YWHAQ: variants seen among roughly 807,000 people sequenced by gnomAD.
The protein encoded by YWHAQ is 14-3-3 protein theta.
In YWHAQ, 6 loss-of-function variants were observed where a neutral mutation model predicts 28.3. The ratio of observed to expected loss-of-function variants is 0.21; its 90% CI spans 0.12 to 0.42. YWHAQ has a LOEUF of 0.42. YWHAQ is among the 10% of genes least tolerant of loss of function. YWHAQ has a pLI of 1.00. For synonymous variants in YWHAQ, 143 were observed against 119.1 expected (o/e 1.20, Z -1.31); for missense variants, 201 against 305.6 (o/e 0.66, Z 2.55).
intron 2 of YWHAQ, among the ~76,000 whole-genome samples, chr2:9,605,140 C>CTCT (rs1553373644): frequency 1.4e-3 from 196 of 138,426 alleles, no homozygotes; most frequent in African/African-American, 4.5e-3. Flanking sequence ...TCTGTTCTCT[C>CTCT]TTTTTTTTTT....
At chr2:9,627,732 A>G (rs990204341) in intron 2 of YWHAQ, among the ~76,000 whole-genome samples, 10 of 152,036 alleles carry the variant, frequency 6.6e-5, no homozygotes, top group African/African-American at 2.4e-4. Context: ...CCTTACTCCA[A>G]TCTTCTATAA....
chr2:9,619,866 T>C (rs1010851425), intron 2 of YWHAQ, among the ~76,000 whole-genome samples: 2 of 152,204 alleles, frequency 1.3e-5, no homozygotes, highest in Non-Finnish European at 2.9e-5. Flanking sequence ...AGTATAAATA[T>C]GTTTAACTGC....
intron 5 of YWHAQ, among the ~76,000 whole-genome samples, chr2:9,586,884 CCTTT>C (rs1234960252): frequency 1.3e-5 from 2 of 152,092 alleles, no homozygotes; most frequent in African/African-American, 4.8e-5. Context: ...TTGATTACTT[CCTTT>C]ATCAATTGCC....
chr2:9,629,228 CAT>C (rs940558566), intron 2 of YWHAQ, among the ~76,000 whole-genome samples: 14 of 152,110 alleles, frequency 9.2e-5, no homozygotes, highest in Admixed American at 6.6e-5. Flanking sequence ...AAAGGCAAAC[CAT>C]ATGAGATTAT....
At position 9,626,292 on chromosome 2, in the gene YWHAQ, A is replaced by G. The variant is rs535566816; in HGVS notation, c.294+3867T>C. On this transcript the variant is annotated intron_variant, in intron 2 of 5. Coordinates refer to ENST00000238081, the MANE Select transcript of YWHAQ (RefSeq NM_006826.4). ...ACTGCCTGGTTCTTATTCCAAGGTC[A>G]CTGACTTTGTAAATGACAGATTTTG... is the stretch of plus-strand genomic sequence containing the variant. Among the ~76,000 whole-genome samples, 7 of 152,346 alleles carry G rather than the reference A, an allele frequency of 4.6e-5. No homozygotes were observed. The South Asian group carries it at 1.4e-3, about 32-fold the overall frequency.
chr2:9,592,598 A>C (rs1666480069), intron 2 of YWHAQ, among the ~76,000 whole-genome samples: 1 of 151,976 alleles, frequency 6.6e-6, no homozygotes. Context: ...GATGGTGGGC[A>C]CCTGTAATCC....
intron 2 of YWHAQ, among the ~76,000 whole-genome samples, chr2:9,625,141 A>G (rs1185049033): frequency 6.6e-6 from 1 of 151,644 alleles, no homozygotes; most frequent in African/African-American, 2.4e-5. Context: ...GCATGCCTGT[A>G]ATCCCAGCTA....
intron 2 of YWHAQ, among the ~76,000 whole-genome samples, chr2:9,621,704 A>G (rs1270286637): frequency 6.6e-6 from 1 of 152,162 alleles, no homozygotes; most frequent in Non-Finnish European, 1.5e-5. Context: ...TAAAGAATAC[A>G]ATTATCCATT....
intron 2 of YWHAQ, among the ~76,000 whole-genome samples, chr2:9,607,160 C>A (rs1474726596): frequency 6.6e-6 from 1 of 151,472 alleles, no homozygotes; most frequent in Non-Finnish European, 1.5e-5. Context: ...GGATTACAGG[C>A]GTGAGCCACA....
intron 2 of YWHAQ, among the ~76,000 whole-genome samples, chr2:9,597,647 A>AAAAAAAAGAAAAAG (rs1666600231): frequency 1.3e-5 from 2 of 151,314 alleles, no homozygotes; most frequent in East Asian, 3.9e-4. Flanking sequence ...AAAAAAAAAA[A>AAAAAAAAGAAAAAG]AAAAAAGAAA....
chr2:9,606,892 T>G (rs1267334133), intron 2 of YWHAQ, among the ~76,000 whole-genome samples: 2 of 151,524 alleles, frequency 1.3e-5, no homozygotes, highest in Non-Finnish European at 2.9e-5. Context: ...ATTTTTCTTT[T>G]TTTTTTTTTT....
chr2:9,596,168 AAT>A (rs1165128384), intron 2 of YWHAQ, among the ~76,000 whole-genome samples: 4 of 152,168 alleles, frequency 2.6e-5, no homozygotes, highest in African/African-American at 9.7e-5. Flanking sequence ...ACTGTTGAGA[AAT>A]AATATTAATG....
At chr2:9,604,209 AAG>A (rs1666772615) in intron 2 of YWHAQ, among the ~76,000 whole-genome samples, 3 of 152,156 alleles carry the variant, frequency 2.0e-5, no homozygotes, top group Non-Finnish European at 4.4e-5. Context: ...ATGGAGTTAG[AAG>A]AATTTTTCTT....
At chr2:9,602,043 C>T (rs190868772) in intron 2 of YWHAQ, among the ~76,000 whole-genome samples, 17 of 152,146 alleles carry the variant, frequency 1.1e-4, no homozygotes, top group African/African-American at 4.1e-4. Flanking sequence ...TCAGTAATGC[C>T]AAAAAATAAA....
In YWHAQ at chr2:9,630,096, C is replaced by T. The variant is rs575123175; in HGVS notation, c.294+63G>A. On this transcript the variant is annotated intron_variant, in intron 2 of 5. Transcript: ENST00000238081. The surrounding 1 kb of genome is among the most constrained non-coding windows in gnomAD (Gnocchi z 5.6). ...CGGCTCACGTTTGTTTCCGTGCCCG[C>T]GAAACTCTCAATGAAAAGCATCTCA... 1.7e-4 allele frequency: 257 copies of T among 1,556,540 alleles called. No homozygotes were observed. The highest frequency in any genetic ancestry group is 2.1e-4 in the Non-Finnish European group (239 of 1,147,936).
rs377495113 is a variant in YWHAQ at position 9,593,923 on chromosome 2, T to TATACACAC, written c.295-2409_295-2408insGTGTGTAT. Among the ~76,000 whole-genome samples the TATACACAC allele has an allele frequency of 5.6e-3, 763 of 135,130 alleles. 11 individuals carry two copies. The highest frequency in any genetic ancestry group is 0.021 in the African/African-American group (708 of 34,366). The allele number at this position is 135,130 out of a possible 152,430, so 88.7% of individuals were successfully genotyped here. A position where few individuals can be genotyped will look rare whatever the true frequency, so the allele number is the denominator to read the frequency against. On this transcript the variant is annotated intron_variant, in intron 2 of 5. Coordinates refer to ENST00000238081, the MANE Select transcript of YWHAQ (RefSeq NM_006826.4). ...TAAAAAAAATATATATATATATATA[T>TATACACAC]ACACACACACACACACACACTTTTT...
At chr2:9,599,184 G>A (rs1666638044) in intron 2 of YWHAQ, among the ~76,000 whole-genome samples, 1 of 152,218 alleles carries the variant, frequency 6.6e-6, no homozygotes, top group Non-Finnish European at 1.5e-5. Flanking sequence ...AGTGAAGGCT[G>A]AGAGAAGTAA....
Position 9,630,465 on chromosome 2 carries a change from G to T in YWHAQ, c.-13C>A. On this transcript the variant is annotated 5_prime_UTR_variant, in exon 2 of 6. Coordinates refer to ENST00000238081, the MANE Select transcript of YWHAQ (RefSeq NM_006826.4). The surrounding 1 kb of genome is among the most constrained non-coding windows in gnomAD (Gnocchi z 5.6). ...CAGTCTTCTCCATGGCGGGCGCGGGGCCGGGGCCGGGGCGGAGGGCGAGGA... is the reference window on the plus strand; with the variant it reads ...CAGTCTTCTCCATGGCGGGCGCGGGTCCGGGGCCGGGGCGGAGGGCGAGGA... 6.3e-7 allele frequency: 1 copy of T among 1,575,858 alleles called. No individual in the cohort carries two copies. The highest frequency in any genetic ancestry group is 8.6e-7 in the Non-Finnish European group (1 of 1,163,368).
At chr2:9,586,096 T>C (rs1666338924) in intron 5 of YWHAQ, among the ~76,000 whole-genome samples, 1 of 152,154 alleles carries the variant, frequency 6.6e-6, no homozygotes, top group Non-Finnish European at 1.5e-5. Flanking sequence ...TGGTTAACAA[T>C]TTTCAAGTGT....
Sources: allele counts gnomAD v4.1 joint callset (sites outside exome capture counted in the v4.1 genomes callset), GRCh38; gene constraint gnomAD v4.1.1; non-coding constraint Gnocchi (gnomAD v3.1); transcripts MANE v1.5; gene names NCBI Gene and HGNC (gene_info 2026-07-23, HGNC 2026-07-21).